The following FAM174B variants were observed in gnomAD, a reference collection of about 807,000 sequenced individuals.
FAM174B encodes membrane protein FAM174B.
FAM174B carries 12 observed loss-of-function variants against 10.9 expected under a neutral mutation model. The observed-to-expected ratio is 1.10, with a 90% CI of 0.71 to 1.79. The LOEUF is 1.79. Among genes scored for constraint, FAM174B ranks in the 40% most tolerant of loss-of-function variants. The probability of loss-of-function intolerance (pLI) is 0.00; values close to 1 mark genes in which losing one functional copy is unlikely to be tolerated. For synonymous variants in FAM174B, 132 were observed against 115.8 expected, an observed-to-expected ratio of 1.14 and a Z score of -0.90; for missense variants, 266 against 233.3, an observed-to-expected ratio of 1.14 and a Z score of -0.91.
chr15:92,644,047 G>A (rs1198105047), intron 1 of FAM174B, among the ~76,000 whole-genome samples: 3 of 151,876 alleles, frequency 2.0e-5, no homozygotes, highest in African/African-American at 7.3e-5. Context: ...TGAGCTCTAC[G>A]CTGCACCTCC....
rs574866427 is a variant in FAM174B at position 92,618,947 on chromosome 15, G to A, written c.*509C>T. 204 of 540,180 alleles carry A rather than the reference G, an allele frequency of 3.8e-4. No individual in the cohort carries two copies. The highest frequency in any genetic ancestry group is 1.5e-3 in the Middle Eastern group (3 of 2,006). The allele number at this position is 540,180 out of a possible 1,614,324, so 33.5% of individuals were successfully genotyped here. The stretch of plus-strand genomic sequence containing the variant: ...CACCTTGAACTCTGACACAGGTAAC[G>A]CCAAAATGAGGCCAGGACCTGACCA... On this transcript the variant is annotated 3_prime_UTR_variant, in exon 3 of 3. Coordinates refer to ENST00000327355, the MANE Select transcript of FAM174B (RefSeq NM_207446.3).
In FAM174B at chr15:92,630,249, TTCATCATCC is replaced by T; in HGVS notation, c.432_440del (p.Asp146_Asp148del). On this transcript the variant is annotated inframe_deletion, in exon 2 of 3. Transcript: ENST00000327355. Reference sequence around the variant, plus strand: ...TGTCGAATACTGTGGAGTCCTCATCTTCATCATCCTCTTCATTTAGTGGCGCCATTTCCA... The same window carrying T: ...TGTCGAATACTGTGGAGTCCTCATCTTCTTCATTTAGTGGCGCCATTTCCA... The T allele has an allele frequency of 6.2e-7, 1 of 1,613,740 alleles. No individual in the cohort carries two copies. Among genetic ancestry groups the T allele is most frequent in the Non-Finnish European group, 8.5e-7 (1 of 1,179,760 alleles).
chr15:92,655,174 C>G, intron 1 of FAM174B, 142 bp downstream of exon 1: 1 of 1,247,650 alleles, frequency 8.0e-7, no homozygotes, highest in South Asian at 2.0e-5. Context: ...CACCCACTCT[C>G]CCGGGCAGGG....
At chr15:92,648,579 A>G (rs1485969882) in intron 1 of FAM174B, among the ~76,000 whole-genome samples, 2 of 152,252 alleles carry the variant, frequency 1.3e-5, no homozygotes, top group East Asian at 3.9e-4. Flanking sequence ...TTTTCCTACA[A>G]ACTCACTCAG....
intron 1 of FAM174B, among the ~76,000 whole-genome samples, chr15:92,636,141 G>A (rs1030082850): frequency 3.3e-5 from 5 of 151,170 alleles, no homozygotes; most frequent in Admixed American, 6.6e-5. Context: ...ATTCTTTAAC[G>A]TGTCTTTTAA....
chr15:92,643,460 G>C (rs894321117), intron 1 of FAM174B, among the ~76,000 whole-genome samples: 1 of 151,852 alleles, frequency 6.6e-6, no homozygotes, highest in Non-Finnish European at 1.5e-5. Context: ...ACAACACAAA[G>C]TGAAGAAAAC....
Position 92,630,290 on chromosome 15 carries a change from C to G in FAM174B, c.400G>C (p.Glu134Gln), listed in dbSNP as rs769884887. Residue 134 changes from glutamate (E) to glutamine (Q), a missense_variant, in exon 2 of 3, where the codon GAG becomes CAG. By Grantham distance (29) the Glu-to-Gln change is conservative. Transcript: ENST00000327355. ...TTTAGTGGCGCCATTTCCACTCGCT[C>G]TGCTGGAGTGGTGATGATATCATAC... ...RKYDIITTPA[E>Q]RVEMAPLNEE... 19 of 1,613,726 alleles carry G rather than the reference C, an allele frequency of 1.2e-5. No individual in the cohort carries two copies. Among genetic ancestry groups the G allele is most frequent in the Non-Finnish European group, 1.6e-5 (19 of 1,179,828 alleles).
chr15:92,655,694 C>T lies in FAM174B; in HGVS notation c.-35G>A, dbSNP rs776988462. ...GGTCGGCACAGGATCGGGCAGGGCG[C>T]GCGCGGCTGAGCTCCAGGATCCGCA... On this transcript the variant is annotated 5_prime_UTR_variant, in exon 1 of 3. Coordinates refer to ENST00000327355, the MANE Select transcript of FAM174B (RefSeq NM_207446.3). 2 of 1,235,584 alleles carry T rather than the reference C, an allele frequency of 1.6e-6. No individual in the cohort carries two copies. Among genetic ancestry groups the T allele is most frequent in the South Asian group, 3.7e-5 (1 of 26,856 alleles). 76.5% of individuals were successfully genotyped at this position (1,235,584 alleles called of 1,614,324 possible). A position where few individuals can be genotyped will look rare whatever the true frequency, so the allele number is the denominator to read the frequency against.
chr15:92,655,565 A>G lies in FAM174B; in HGVS notation c.95T>C (p.Val32Ala). The G allele has an allele frequency of 7.2e-7, 1 of 1,386,080 alleles. No individual in the cohort carries two copies. 85.9% of individuals were successfully genotyped at this position (1,386,080 alleles called of 1,614,324 possible). A position where few individuals can be genotyped will look rare whatever the true frequency, so the allele number is the denominator to read the frequency against. The change falls in exon 1 of 3, where the codon GTC becomes GCC. Residue 32 changes from valine (V) to alanine (A), a missense_variant. Physicochemically the swap from Val to Ala is moderately conservative, Grantham distance 64. Transcript: ENST00000327355. ...CTCGGGTTCGGGCCACGGCGCGGAG[A>G]CGGACTCGGCTCTGCTGGCGCGGGC... Reference protein sequence around the residue: ...PAARASRAESVSAPWPEPERE... With the variant: ...PAARASRAESASAPWPEPERE...
Position 92,641,062 on chromosome 15 carries a change from TCACA to T in FAM174B, c.345-10721_345-10718del, listed in dbSNP as rs35507479. Among the ~76,000 whole-genome samples the T allele has an allele frequency of 1.5e-3, 232 of 149,892 alleles. 1 individual carries two copies. Among genetic ancestry groups the T allele is most frequent in the African/African-American group, 5.0e-3 (206 of 40,982 alleles). The stretch of plus-strand genomic sequence containing the variant: ...TGGTAAAGAACATAACACAGGCAGT[TCACA>T]CACACACACACACACACAAACCTAA... On this transcript the variant is annotated intron_variant, in intron 1 of 2. Coordinates refer to ENST00000327355, the MANE Select transcript of FAM174B (RefSeq NM_207446.3).
intron 1 of FAM174B, among the ~76,000 whole-genome samples, chr15:92,630,591 G>C (rs2050786454): frequency 6.6e-6 from 1 of 151,804 alleles, no homozygotes; most frequent in Non-Finnish European, 1.5e-5. Flanking sequence ...GGGACCTCAA[G>C]TGAGTGACCG....
At position 92,619,065 on chromosome 15, in the gene FAM174B, T is replaced by G. The variant is rs182911934; in HGVS notation, c.*391A>C. ...ATTCTAAATACACAGTTGGACATCC[T>G]TCAGGCTTGTTTTAGATTCTTGATC... is the stretch of plus-strand genomic sequence containing the variant. On this transcript the variant is annotated 3_prime_UTR_variant, in exon 3 of 3. Transcript: ENST00000327355. 1.9e-5 allele frequency: 12 copies of G among 618,312 alleles called. No individual in the cohort carries two copies. The East Asian group carries it at 2.7e-4, about 14-fold the overall frequency. The allele number at this position is 618,312 out of a possible 1,614,324, so 38.3% of individuals were successfully genotyped here. A position where few individuals can be genotyped will look rare whatever the true frequency, so the allele number is the denominator to read the frequency against.
At chr15:92,636,064 G>A (rs1269204284) in intron 1 of FAM174B, among the ~76,000 whole-genome samples, 1 of 152,172 alleles carries the variant, frequency 6.6e-6, no homozygotes, top group Non-Finnish European at 1.5e-5. Flanking sequence ...TGAGAAAATG[G>A]GAAAATAGAG....
chr15:92,644,963 T>TA (rs1029450764), intron 1 of FAM174B, among the ~76,000 whole-genome samples: 2 of 152,226 alleles, frequency 1.3e-5, no homozygotes, highest in African/African-American at 4.8e-5. Flanking sequence ...TCTTAGTTTT[T>TA]AAAACACTGT....
At chr15:92,654,567 C>T (rs435171) in intron 1 of FAM174B, among the ~76,000 whole-genome samples, 9,050 of 152,146 alleles carry the variant, frequency 0.059, 315 homozygotes, top group Non-Finnish European at 0.076. Context: ...AAAAGGCTCT[C>T]CAAGATCCCT....
rs185512284 is a variant in FAM174B at position 92,626,697 on chromosome 15, T to C, written c.476+3517A>G. Among the ~76,000 whole-genome samples the C allele has an allele frequency of 1.1e-3, 162 of 152,162 alleles. 1 individual carries two copies. Among genetic ancestry groups the C allele is most frequent in the African/African-American group, 3.8e-3 (159 of 41,508 alleles). On this transcript the variant is annotated intron_variant, in intron 2 of 2. Transcript: ENST00000327355. ...CAGGGTCCTGAGTTTCTGCCTAGAATAGGGGCAGAGGAGACACTACTAAGG... is the reference window on the plus strand; with the variant it reads ...CAGGGTCCTGAGTTTCTGCCTAGAACAGGGGCAGAGGAGACACTACTAAGG...
intron 1 of FAM174B, among the ~76,000 whole-genome samples, chr15:92,653,969 G>C (rs2050984163): frequency 6.6e-6 from 1 of 152,180 alleles, no homozygotes; most frequent in African/African-American, 2.4e-5. Context: ...GAGGCCAGTG[G>C]GTAGAGTGGG....
intron 1 of FAM174B, among the ~76,000 whole-genome samples, chr15:92,642,902 T>C (rs1035649882): frequency 6.6e-6 from 1 of 152,192 alleles, no homozygotes; most frequent in African/African-American, 2.4e-5. Flanking sequence ...GAAAACACTG[T>C]ACTAAATAAA....
chr15:92,618,426 C>G lies in FAM174B; in HGVS notation c.*1030G>C, dbSNP rs2050693886. The G allele has an allele frequency of 6.6e-6, 1 of 152,442 alleles. No individual in the cohort carries two copies. The highest frequency in any genetic ancestry group is 2.4e-5 in the African/African-American group (1 of 41,472). The allele number at this position is 152,442 out of a possible 1,614,324, so 9.4% of individuals were successfully genotyped here. A position where few individuals can be genotyped will look rare whatever the true frequency, so the allele number is the denominator to read the frequency against. On this transcript the variant is annotated 3_prime_UTR_variant, in exon 3 of 3. Transcript: ENST00000327355. ...GAGCCACTCTCACCTGAACCTCTGC[C>G]TTCCGGCAGGGACCTCCTGGGTCCT...
Sources: allele counts gnomAD v4.1 joint callset (sites outside exome capture counted in the v4.1 genomes callset), GRCh38; gene constraint gnomAD v4.1.1; transcripts MANE v1.5; gene names NCBI Gene and HGNC (gene_info 2026-07-23, HGNC 2026-07-21).